Variants in DLG5 observed in about 807,000 individuals in gnomAD.
DLG5 encodes discs large MAGUK scaffold protein 5.
Under a neutral mutation model 189.8 loss-of-function variants are expected in DLG5, and 48 were observed. The observed-to-expected ratio is 0.25, with a 90% CI of 0.20 to 0.32. DLG5 has a LOEUF of 0.32. Among genes scored for constraint, DLG5 ranks in the 10% least tolerant of loss-of-function variants. The pLI, the probability that DLG5 is intolerant of heterozygous loss-of-function variation, is 1.00. For missense variants in DLG5, 2,160 were observed against 2,544.7 expected (o/e 0.85, Z 3.25); for synonymous variants, 1,016 against 1,054.1 (o/e 0.96, Z 0.70).
At chr10:77,873,248 C>T (rs1264087045) in intron 1 of DLG5, among the ~76,000 whole-genome samples, 2 of 152,110 alleles carry the variant, frequency 1.3e-5, no homozygotes, top group Non-Finnish European at 2.9e-5. Flanking sequence ...ACCTGGGCAA[C>T]GTAAACTCTT....
intron 1 of DLG5, among the ~76,000 whole-genome samples, chr10:77,915,499 A>T (rs887548370): frequency 6.6e-6 from 1 of 152,336 alleles, no homozygotes; most frequent in East Asian, 1.9e-4. Context: ...TCCATGATAA[A>T]GGACTCTGTG....
At chr10:77,911,750 A>C (rs774311870) in intron 1 of DLG5, among the ~76,000 whole-genome samples, 4 of 152,248 alleles carry the variant, frequency 2.6e-5, no homozygotes, top group Non-Finnish European at 5.9e-5. Context: ...TGAGTCAGAG[A>C]TGGCCATCTC....
chr10:77,855,510 C>T (rs1359534485), intron 3 of DLG5, among the ~76,000 whole-genome samples: 3 of 152,226 alleles, frequency 2.0e-5, no homozygotes, highest in East Asian at 3.8e-4. Flanking sequence ...TGCAACCACT[C>T]GACTCCACCT....
chr10:77,802,067 C>A (rs533850982), intron 27 of DLG5, among the ~76,000 whole-genome samples: 9 of 152,282 alleles, frequency 5.9e-5, no homozygotes, highest in African/African-American at 2.2e-4. Context: ...TGGCAGCAGC[C>A]ACCAGAAGCT....
intron 1 of DLG5, among the ~76,000 whole-genome samples, chr10:77,884,954 C>T (rs141547935): frequency 3.1e-4 from 47 of 152,334 alleles, no homozygotes; most frequent in African/African-American, 1.1e-3. Context: ...ACAGAAAGGA[C>T]GCTGCACACA....
chr10:77,799,258 T>C (rs1841081928), intron 27 of DLG5, among the ~76,000 whole-genome samples: 1 of 152,218 alleles, frequency 6.6e-6, no homozygotes, highest in African/African-American at 2.4e-5. Flanking sequence ...ATGGCTTTCT[T>C]TAAAAGGTGC....
chr10:77,830,219 T>C lies in DLG5; in HGVS notation c.2007A>G (p.Leu669=). 6.2e-7 allele frequency: 1 copy of C among 1,614,110 alleles called. No homozygotes were observed. The highest frequency in any genetic ancestry group is 8.5e-7 in the Non-Finnish European group (1 of 1,180,026). Residue 669 remains leucine (L), a splice_region_variant and synonymous_variant, in exon 11 of 32, where the codon TTA becomes TTG. Coordinates refer to ENST00000372391, the MANE Select transcript of DLG5 (RefSeq NM_004747.4). ...AGAGCCTGGGCCTCAACTCTTACCT[T>C]AAGCGGCCATCAGCAATGCTTCCTT... ...VDKGSIADGR[L]RVNDWLLRIN... is the part of the protein sequence containing the mutation.
At chr10:77,911,807 G>A (rs1846228983) in intron 1 of DLG5, among the ~76,000 whole-genome samples, 1 of 152,062 alleles carries the variant, frequency 6.6e-6, no homozygotes, top group South Asian at 2.1e-4. Flanking sequence ...CCCCACGGCA[G>A]GCTGCATGTT....
chr10:77,819,194 A>C lies in DLG5; in HGVS notation c.3671+127T>G, dbSNP rs1842208300. On this transcript the variant is annotated intron_variant, in intron 17 of 31. Coordinates refer to ENST00000372391, the MANE Select transcript of DLG5 (RefSeq NM_004747.4). ...AGGCTCCCTTTCCCTGTGCTGCTCT[A>C]GCCAGTCCCCTCCCAGGCAGGCAAG... 7 of 1,387,040 alleles carry C rather than the reference A, an allele frequency of 5.0e-6. No individual in the cohort carries two copies. In the African/African-American group the frequency reaches 9.9e-5, roughly 20 times the overall value. The allele number at this position is 1,387,040 out of a possible 1,614,324, so 85.9% of individuals were successfully genotyped here.
At chr10:77,864,822 A>C (rs1369882539) in intron 2 of DLG5, among the ~76,000 whole-genome samples, 1 of 152,224 alleles carries the variant, frequency 6.6e-6, no homozygotes, top group Admixed American at 6.5e-5. Context: ...CAATGAGTAC[A>C]TGACTCCAGT....
In DLG5 at chr10:77,796,414, A is replaced by G; in HGVS notation, c.5308+37T>C. 1 of 1,614,024 alleles carries G rather than the reference A, an allele frequency of 6.2e-7. No homozygotes were observed. The highest frequency in any genetic ancestry group is 8.5e-7 in the Non-Finnish European group (1 of 1,179,956). Reference sequence around the variant, plus strand: ...GGTGGACAGGGACATAGAGACAAAGAGCCCAGTAGGCACAGAGGGTGCCCC... The same window carrying G: ...GGTGGACAGGGACATAGAGACAAAGGGCCCAGTAGGCACAGAGGGTGCCCC... On this transcript the variant is annotated intron_variant, in intron 28 of 31. Coordinates refer to ENST00000372391, the MANE Select transcript of DLG5 (RefSeq NM_004747.4). The surrounding 1 kb of genome is among the most constrained non-coding windows in gnomAD (Gnocchi z 5.2).
chr10:77,864,439 GCAC>G (rs1184973023), intron 2 of DLG5, among the ~76,000 whole-genome samples: 1 of 152,082 alleles, frequency 6.6e-6, no homozygotes, highest in Non-Finnish European at 1.5e-5. Flanking sequence ...AGTCATCAGA[GCAC>G]CACGTCATCC....
At chr10:77,850,521 T>A (rs1212250267) in intron 5 of DLG5, among the ~76,000 whole-genome samples, 1 of 152,216 alleles carries the variant, frequency 6.6e-6, no homozygotes, top group Admixed American at 6.5e-5. Flanking sequence ...TGTGGACGTA[T>A]ATTTTCAGTT....
At position 77,926,349 on chromosome 10, in the gene DLG5, T is replaced by C; in HGVS notation, c.172A>G (p.Lys58Glu). The C allele has an allele frequency of 6.2e-7, 1 of 1,603,132 alleles. No homozygotes were observed. The highest frequency in any genetic ancestry group is 8.5e-7 in the Non-Finnish European group (1 of 1,176,294). ...AGGAKAELLL[K>E]LLLAKERDHF... ...TCCCGCTCCTTGGCCAAGAGCAGCT[T>C]GAGCAGCAGCTCCGCCTTGGCGCCT... The change falls in exon 1 of 32, where the codon AAG becomes GAG. Residue 58 changes from lysine (K) to glutamate (E), a missense_variant. Lys to Glu is a moderately conservative substitution (Grantham distance 56). Around this residue, in one of 5 missense-constraint regions of DLG5, gnomAD observed 664 missense variants for 838.5 expected, o/e 0.79. Coordinates refer to ENST00000372391, the MANE Select transcript of DLG5 (RefSeq NM_004747.4). This position sits in a 1 kb window ranked among gnomAD's most constrained non-coding sequence, Gnocchi z 5.2.
In DLG5 at chr10:77,809,951, G is replaced by A. The variant is rs916804466; in HGVS notation, c.4464-221C>T. On this transcript the variant is annotated intron_variant, in intron 23 of 31. Coordinates refer to ENST00000372391, the MANE Select transcript of DLG5 (RefSeq NM_004747.4). Reference sequence around the variant, plus strand: ...GACCCCAGGTCCAAAGCCAGTTAGCGGGGGCAGTCAAAACCGTAAATCAGT... The same window carrying A: ...GACCCCAGGTCCAAAGCCAGTTAGCAGGGGCAGTCAAAACCGTAAATCAGT... Among the ~76,000 whole-genome samples the A allele has an allele frequency of 7.2e-5, 11 of 152,136 alleles. 1 individual carries two copies. The East Asian group carries it at 1.2e-3, about 16-fold the overall frequency.
chr10:77,869,346 C>T (rs772584166), intron 1 of DLG5, 149 bp from the exon 2 acceptor site: 214 of 697,472 alleles, frequency 3.1e-4, no homozygotes, highest in Admixed American at 5.1e-4. Context: ...AGAGGAGGCG[C>T]GCTCAGCAGA....
intron 11 of DLG5, 117 bp downstream of exon 11, chr10:77,830,100 G>C: frequency 1.5e-6 from 2 of 1,304,648 alleles, no homozygotes; most frequent in Non-Finnish European, 2.1e-6. Flanking sequence ...TGGACAGACT[G>C]TGTGTGAGTC....
chr10:77,928,735 C>T (rs1482652192), upstream of DLG5: 1 of 152,214 alleles, frequency 6.6e-6, no homozygotes, highest in Non-Finnish European at 1.5e-5. Context: ...TGGTTAGAAG[C>T]ATATTTTTTG....
chr10:77,876,221 A>G (rs1207710378), intron 1 of DLG5, among the ~76,000 whole-genome samples: 1 of 151,904 alleles, frequency 6.6e-6, no homozygotes, highest in Non-Finnish European at 1.5e-5. Context: ...TCTGGTCGTT[A>G]TAAGAACTGC....
Sources: allele counts gnomAD v4.1 joint callset (sites outside exome capture counted in the v4.1 genomes callset), GRCh38; gene constraint gnomAD v4.1.1; regional missense constraint gnomAD v4.1.1; non-coding constraint Gnocchi (gnomAD v3.1); transcripts MANE v1.5; gene names NCBI Gene and HGNC (gene_info 2026-07-23, HGNC 2026-07-21).